IMPG1: variants seen among roughly 807,000 people sequenced by gnomAD.
The protein encoded by IMPG1 is interphotoreceptor matrix proteoglycan 1.
IMPG1 carries 85 observed loss-of-function variants against 92.0 expected under a neutral mutation model. That is an observed-to-expected ratio of 0.92 (90% CI 0.78 to 1.11). The LOEUF (loss-of-function observed/expected upper bound fraction) is 1.11, where lower values mean the gene tolerates loss of function less well. Among genes scored for constraint, IMPG1 ranks in the 50% least tolerant of loss-of-function variants. IMPG1 has a pLI of 0.00. For missense variants in IMPG1, 1,022 were observed against 956.0 expected, an observed-to-expected ratio of 1.07 and a Z score of -0.91; for synonymous variants, 367 against 334.1, an observed-to-expected ratio of 1.10 and a Z score of -1.08.
intron 5 of IMPG1, among the ~76,000 whole-genome samples, chr6:76,024,051 T>C (rs1436422421): frequency 1.3e-5 from 2 of 152,180 alleles, no homozygotes; most frequent in African/African-American, 4.8e-5. Flanking sequence ...GAATTAACTA[T>C]GTAGCTCTTC....
intron 1 of IMPG1, among the ~76,000 whole-genome samples, chr6:76,062,684 T>C (rs1272884936): frequency 6.6e-6 from 1 of 152,192 alleles, no homozygotes; most frequent in African/African-American, 2.4e-5. Flanking sequence ...CAAACACTTT[T>C]CTATGTAAAT....
At chr6:76,029,843 A>G (rs1313898519) in intron 4 of IMPG1, among the ~76,000 whole-genome samples, 1 of 152,206 alleles carries the variant, frequency 6.6e-6, no homozygotes, top group Non-Finnish European at 1.5e-5. Flanking sequence ...GTCACAAGAC[A>G]TCCTTTTCTC....
At chr6:75,989,224 T>C (rs1782773963) in intron 12 of IMPG1, among the ~76,000 whole-genome samples, 1 of 152,116 alleles carries the variant, frequency 6.6e-6, no homozygotes. Context: ...GAGTAGTAAT[T>C]ACAGGCATGT....
At chr6:75,984,956 C>T (rs75720540) in intron 12 of IMPG1, among the ~76,000 whole-genome samples, 1,585 of 152,238 alleles carry the variant, frequency 0.01, 28 homozygotes, top group African/African-American at 0.036. Context: ...AATGTTGGTG[C>T]CATGTTTGTA....
chr6:76,035,721 C>T (rs1433726656), intron 2 of IMPG1, among the ~76,000 whole-genome samples: 3 of 152,174 alleles, frequency 2.0e-5, no homozygotes, highest in South Asian at 2.1e-4. Context: ...TAAAGACACA[C>T]CTCTTTGTTA....
intron 12 of IMPG1, among the ~76,000 whole-genome samples, chr6:76,001,040 T>C (rs927567953): frequency 1.3e-5 from 2 of 152,248 alleles, no homozygotes; most frequent in Non-Finnish European, 2.9e-5. Context: ...TTTCTAGCCT[T>C]GGCTTTCTCA....
chr6:75,950,683 G>C lies in IMPG1; in HGVS notation c.1703C>G (p.Pro568Arg), dbSNP rs1782010162. ...GAACACTACCAGCTCTCGGCCCTTG[G>C]GGGCAATGGTCATAGAACTAGTGGT... ...YITTSSMTIA[P>R]KGRELVVFFS... Residue 568 changes from proline (P) to arginine (R), a missense_variant, in exon 13 of 17, where the codon CCC (proline) becomes CGC (arginine). By Grantham distance (103) the Pro-to-Arg change is moderately radical. Transcript: ENST00000369950. 10 of 1,613,912 alleles carry C rather than the reference G, an allele frequency of 6.2e-6. No homozygotes were observed. In the East Asian group the frequency reaches 1.8e-4, roughly 29 times the overall value.
intron 4 of IMPG1, among the ~76,000 whole-genome samples, chr6:76,032,283 G>C (rs922478833): frequency 7.4e-6 from 1 of 134,446 alleles, no homozygotes; most frequent in Non-Finnish European, 1.6e-5. Context: ...TTTTCTTATG[G>C]ATGGACCCTG....
At chr6:76,057,866 C>A (rs921317737) in intron 1 of IMPG1, among the ~76,000 whole-genome samples, 3 of 152,084 alleles carry the variant, frequency 2.0e-5, no homozygotes, top group Admixed American at 6.6e-5. Flanking sequence ...TTCCAAGTCA[C>A]TACTAGTCTT....
intron 1 of IMPG1, among the ~76,000 whole-genome samples, chr6:76,063,264 A>AAATAAAAAAAAAAAAAG (rs1784240557): frequency 6.6e-6 from 1 of 151,936 alleles, no homozygotes; most frequent in African/African-American, 2.4e-5. Flanking sequence ...ATAAGAAAGA[A>AAATAAAAAAAAAAAAAG]AAAGAAAGAA....
chr6:75,973,040 T>C (rs1005866702), intron 12 of IMPG1, among the ~76,000 whole-genome samples: 9 of 152,208 alleles, frequency 5.9e-5, no homozygotes, highest in African/African-American at 1.4e-4. Flanking sequence ...AGTACAATCA[T>C]GGCTCAATGC....
At chr6:76,007,408 T>C in intron 9 of IMPG1, 72 bp downstream of exon 9, 1 of 1,125,104 alleles carries the variant, frequency 8.9e-7, no homozygotes, top group East Asian at 2.4e-5. Flanking sequence ...AAAAATTATT[T>C]GTGCAAAATC....
At chr6:75,966,771 C>T (rs766115675) in intron 12 of IMPG1, among the ~76,000 whole-genome samples, 9 of 151,910 alleles carry the variant, frequency 5.9e-5, no homozygotes, top group Non-Finnish European at 1.2e-4. Flanking sequence ...AGAAGAAAGA[C>T]AAAAGAAAGC....
chr6:75,993,263 T>A (rs1334791940), intron 12 of IMPG1, among the ~76,000 whole-genome samples: 2 of 152,130 alleles, frequency 1.3e-5, no homozygotes, highest in African/African-American at 4.8e-5. Context: ...GCATTGGTAT[T>A]TAAATTGGGA....
chr6:76,004,806 T>C (rs889997391), intron 10 of IMPG1, among the ~76,000 whole-genome samples: 35 of 152,180 alleles, frequency 2.3e-4, no homozygotes, highest in Admixed American at 9.2e-4. Context: ...CTGGAGATAG[T>C]AATGAGGCTT....
At chr6:76,032,713 A>C (rs759755789) in intron 4 of IMPG1, among the ~76,000 whole-genome samples, 3 of 152,212 alleles carry the variant, frequency 2.0e-5, no homozygotes, top group Non-Finnish European at 4.4e-5. Flanking sequence ...GTGGGATTCC[A>C]CCTGGAGCTT....
chr6:76,003,901 C>T lies in IMPG1; in HGVS notation c.1185G>A (p.Leu395=). ...CTGTTATAACAGCAAAAGATGTGGGCAGCTCTGATTGGGTGTCAGGACCAA... is the reference window on the plus strand; with the variant it reads ...CTGTTATAACAGCAAAAGATGTGGGTAGCTCTGATTGGGTGTCAGGACCAA... The part of the protein sequence containing the change: ...PAFGPDTQSE[L]PTSFAVITED... The change falls in exon 11 of 17, where the codon CTG becomes CTA. Residue 395 remains leucine, a synonymous_variant. Transcript: ENST00000369950. 1 of 1,613,092 alleles carries T rather than the reference C, an allele frequency of 6.2e-7. No individual in the cohort carries two copies. Among genetic ancestry groups the T allele is most frequent in the African/African-American group, 1.3e-5 (1 of 74,954 alleles).
chr6:76,010,462 T>C (rs1379912640), intron 8 of IMPG1, among the ~76,000 whole-genome samples: 1 of 152,222 alleles, frequency 6.6e-6, no homozygotes, highest in Admixed American at 6.5e-5. Context: ...CATGAGAGTG[T>C]TGGGATGCTG....
At chr6:75,925,868 GT>G (rs1182276038) in intron 15 of IMPG1, among the ~76,000 whole-genome samples, 1 of 152,160 alleles carries the variant, frequency 6.6e-6, no homozygotes, top group African/African-American at 2.4e-5. Context: ...GTTTCACCAT[GT>G]TGGCCAGGAT....
Sources: allele counts gnomAD v4.1 joint callset (sites outside exome capture counted in the v4.1 genomes callset), GRCh38; gene constraint gnomAD v4.1.1; transcripts MANE v1.5; gene names NCBI Gene and HGNC (gene_info 2026-07-23, HGNC 2026-07-21).